DOT1L: variants seen among roughly 807,000 people sequenced by gnomAD.
The protein encoded by DOT1L is DOT1 like histone lysine methyltransferase.
DOT1L carries 33 observed loss-of-function variants against 153.3 expected under a neutral mutation model. The observed-to-expected ratio is 0.22, with a 90% CI of 0.16 to 0.29. The LOEUF is 0.29. Ranked by LOEUF, DOT1L falls within the 10% of genes least tolerant of loss-of-function variation. DOT1L has a pLI of 1.00. For synonymous variants in DOT1L, 1,135 were observed against 965.1 expected, an observed-to-expected ratio of 1.18 and a Z score of -3.26; for missense variants, 1,847 against 2,119.9, an observed-to-expected ratio of 0.87 and a Z score of 2.53.
At chr19:2,228,247 G>C in intron 27 of DOT1L, 1 of 1,362,390 alleles carries the variant, frequency 7.3e-7, no homozygotes. Flanking sequence ...GCCGCGCCCG[G>C]GATCCCACAG....
Position 2,191,561 on chromosome 19 carries a change from C to T in DOT1L, c.493+321C>T, listed in dbSNP as rs766295616. ...CTGTGCACCCTCTACTGCTCGCTCC[C>T]AGAAGCTGCCACTCGCTAGCCTGGG... On this transcript the variant is annotated intron_variant, in intron 5 of 27. Transcript: ENST00000398665. This position sits in a 1 kb window ranked among gnomAD's most constrained non-coding sequence, Gnocchi z 6.8. Among the ~76,000 whole-genome samples, 6 of 152,182 alleles carry T rather than the reference C, an allele frequency of 3.9e-5. No homozygotes were observed. The highest frequency in any genetic ancestry group is 7.3e-5 in the Non-Finnish European group (5 of 68,028).
At position 2,229,921 on chromosome 19, in the gene DOT1L, CTG is replaced by C. The variant is rs2024526103; in HGVS notation, c.*132_*133del. 2 of 1,552,370 alleles carry C rather than the reference CTG, an allele frequency of 1.3e-6. No homozygotes were observed. The highest frequency in any genetic ancestry group is 1.8e-6 in the Non-Finnish European group (2 of 1,133,800). ...GAGGCAAGGACGGACGGGAGCTCCA[CTG>C]TGAATCGGCGGCACGCGCCGCAGGA... is the stretch of plus-strand genomic sequence containing the variant. On this transcript the variant is annotated 3_prime_UTR_variant, in exon 28 of 28. Transcript: ENST00000398665.
Position 2,226,220 on chromosome 19 carries a change from C to T in DOT1L, c.3699C>T (p.Gly1233=), listed in dbSNP as rs771189396. The T allele has an allele frequency of 5.4e-5, 83 of 1,526,490 alleles. No individual in the cohort carries two copies. The highest frequency in any genetic ancestry group is 6.9e-5 in the African/African-American group (5 of 72,060). 94.6% of individuals were successfully genotyped at this position (1,526,490 alleles called of 1,614,324 possible). Residue 1233 remains glycine (G), a synonymous_variant, in exon 27 of 28, where the codon GGC becomes GGT. Coordinates refer to ENST00000398665, the MANE Select transcript of DOT1L (RefSeq NM_032482.3). ...GLAGRKPAPA[G]EPVNSSKWKS... is the part of the protein sequence containing the mutation. ...CGGGAAGGAAGCCCGCGCCCGCCGG[C>T]GAGCCAGTCAATAGCAGCAAGTGGA...
chr19:2,178,719 C>T (rs1415869006), intron 1 of DOT1L, among the ~76,000 whole-genome samples: 1 of 151,564 alleles, frequency 6.6e-6, no homozygotes, highest in African/African-American at 2.4e-5. Context: ...CCGCGCCCGG[C>T]CACGCCCAGC....
At chr19:2,209,492 C>T (rs554279774) in intron 12 of DOT1L, among the ~76,000 whole-genome samples, 9 of 152,336 alleles carry the variant, frequency 5.9e-5, no homozygotes, top group Admixed American at 2.0e-4. Flanking sequence ...CACACATGTG[C>T]GCTTGTCCCA....
In DOT1L at chr19:2,217,061, C is replaced by G; in HGVS notation, c.2515C>G (p.Gln839Glu). 1 of 1,610,104 alleles carries G rather than the reference C, an allele frequency of 6.2e-7. No homozygotes were observed. Among genetic ancestry groups the G allele is most frequent in the Non-Finnish European group, 8.5e-7 (1 of 1,178,074 alleles). Residue 839 changes from glutamine to glutamate, a missense_variant, in exon 21 of 28, where the codon CAG becomes GAG. Physicochemically the swap from Gln to Glu is conservative, Grantham distance 29. Coordinates refer to ENST00000398665, the MANE Select transcript of DOT1L (RefSeq NM_032482.3). This position sits in a 1 kb window ranked among gnomAD's most constrained non-coding sequence, Gnocchi z 7.3. ...DPRPLSPGAL[Q>E]LAGEKSSEKG... ...GCGGCCCCTGTCCCCTGGGGCCTTG[C>G]AGCTTGCTGGAGAGAAGAGCAGTGA...
chr19:2,189,900 C>A, intron 4 of DOT1L, 105 bp downstream of exon 4: 1 of 1,295,092 alleles, frequency 7.7e-7, no homozygotes, highest in Non-Finnish European at 1.1e-6. Flanking sequence ...CCCTTAGAGC[C>A]CCTGGGGATT....
At position 2,216,775 on chromosome 19, in the gene DOT1L, C is replaced by T. The variant is rs2023920181; in HGVS notation, c.2408+10C>T. The T allele has an allele frequency of 1.9e-6, 3 of 1,581,740 alleles. 1 individual carries two copies. On this transcript the variant is annotated intron_variant, in intron 20 of 27. Transcript: ENST00000398665. Reference sequence around the variant, plus strand: ...GTGAGCTGCATTCGAGGTGAGTGCCCTGGTGGGGCTGGGGGTCTGCAGCTG... The same window carrying T: ...GTGAGCTGCATTCGAGGTGAGTGCCTTGGTGGGGCTGGGGGTCTGCAGCTG...
chr19:2,184,973 G>A (rs1247521317), intron 2 of DOT1L, among the ~76,000 whole-genome samples: 2 of 152,138 alleles, frequency 1.3e-5, no homozygotes, highest in Non-Finnish European at 2.9e-5. Context: ...TATGGTTTTG[G>A]TGTCAAGATG....
In DOT1L at chr19:2,208,077, C is replaced by T. The variant is rs373303248; in HGVS notation, c.963+397C>T. On this transcript the variant is annotated intron_variant, in intron 11 of 27. Coordinates refer to ENST00000398665, the MANE Select transcript of DOT1L (RefSeq NM_032482.3). The surrounding 1 kb of genome is among the most constrained non-coding windows in gnomAD (Gnocchi z 4.4). ...TGTGAGAGGGTCCTGAGCGGGGAGACACCAGGGTCCATGGGTGGGGTCTGG... is the reference window on the plus strand; with the variant it reads ...TGTGAGAGGGTCCTGAGCGGGGAGATACCAGGGTCCATGGGTGGGGTCTGG... Among the ~76,000 whole-genome samples the T allele has an allele frequency of 1.1e-4, 16 of 152,266 alleles. No homozygotes were observed. The highest frequency in any genetic ancestry group is 1.0e-3 in the South Asian group (5 of 4,826).
intron 1 of DOT1L, among the ~76,000 whole-genome samples, chr19:2,170,058 C>T (rs893455560): frequency 6.6e-6 from 1 of 152,048 alleles, no homozygotes; most frequent in Non-Finnish European, 1.5e-5. Context: ...TGCTTGAACC[C>T]GAGAGGGGGA....
intron 3 of DOT1L, among the ~76,000 whole-genome samples, chr19:2,186,436 T>G (rs886313084): frequency 6.6e-6 from 1 of 152,196 alleles, no homozygotes; most frequent in Non-Finnish European, 1.5e-5. Flanking sequence ...AATGCTTGCT[T>G]GGAAGTGTTT....
intron 27 of DOT1L, chr19:2,228,403 G>A (rs961929518): frequency 1.1e-5 from 14 of 1,257,382 alleles, no homozygotes; most frequent in Non-Finnish European, 1.4e-5. Context: ...AGCCCTGCGC[G>A]GTGGCTCACT....
At chr19:2,173,352 T>C (rs1318569268) in intron 1 of DOT1L, among the ~76,000 whole-genome samples, 1 of 152,124 alleles carries the variant, frequency 6.6e-6, no homozygotes, top group African/African-American at 2.4e-5. Context: ...CTCCCTCCTG[T>C]GTTGCTTTGC....
At chr19:2,170,434 C>T (rs1053518210) in intron 1 of DOT1L, among the ~76,000 whole-genome samples, 1 of 152,188 alleles carries the variant, frequency 6.6e-6, no homozygotes, top group Non-Finnish European at 1.5e-5. Context: ...AAGGACCCAA[C>T]ACGGTTCCTC....
chr19:2,218,658 G>T (rs1169400359), intron 22 of DOT1L, among the ~76,000 whole-genome samples: 2 of 151,706 alleles, frequency 1.3e-5, no homozygotes, highest in African/African-American at 4.8e-5. Flanking sequence ...CTCCCAAAGT[G>T]CTGGGATTAC....
chr19:2,167,285 G>C (rs183956714), intron 1 of DOT1L, among the ~76,000 whole-genome samples: 3 of 152,336 alleles, frequency 2.0e-5, no homozygotes, highest in East Asian at 1.9e-4. Flanking sequence ...TCAGTGCTAA[G>C]AAACCCACTG....
rs1345459452 is a variant in DOT1L, at chr19:2,230,181, C to T, written c.*389C>T. The T allele has an allele frequency of 2.8e-5, 13 of 469,310 alleles. No individual in the cohort carries two copies. In the South Asian group the frequency reaches 3.0e-4, roughly 11 times the overall value. The allele number at this position is 469,310 out of a possible 1,614,324, so 29.1% of individuals were successfully genotyped here. A position where few individuals can be genotyped will look rare whatever the true frequency, so the allele number is the denominator to read the frequency against. ...CCCGGTGCTATCTCGTCCCCAGGCCCGCGCCTGCCTCCACCCGCTTGGTGC... is the reference window on the plus strand; with the variant it reads ...CCCGGTGCTATCTCGTCCCCAGGCCTGCGCCTGCCTCCACCCGCTTGGTGC... On this transcript the variant is annotated 3_prime_UTR_variant, in exon 28 of 28. Transcript: ENST00000398665.
rs2022889865 is a variant in DOT1L, at chr19:2,193,582, T to TG, written c.494-104dup. 2.0e-6 allele frequency: 2 copies of TG among 1,013,614 alleles called. No individual in the cohort carries two copies. Among genetic ancestry groups the TG allele is most frequent in the East Asian group, 4.9e-5 (2 of 40,960 alleles). The allele number at this position is 1,013,614 out of a possible 1,614,324, so 62.8% of individuals were successfully genotyped here. ...TGTGTGGAGACTGTGGCCTCCCCTG[T>TG]GGGTCTTCATGGCCGCATTCTTGTG... is the stretch of plus-strand genomic sequence containing the variant. On this transcript the variant is annotated intron_variant, in intron 5 of 27. Transcript: ENST00000398665. This position sits in a 1 kb window ranked among gnomAD's most constrained non-coding sequence, Gnocchi z 5.9.
Sources: allele counts gnomAD v4.1 joint callset (sites outside exome capture counted in the v4.1 genomes callset), GRCh38; gene constraint gnomAD v4.1.1; non-coding constraint Gnocchi (gnomAD v3.1); transcripts MANE v1.5; gene names NCBI Gene and HGNC (gene_info 2026-07-23, HGNC 2026-07-21).